The following EFCC1 variants were observed in gnomAD, a reference collection of about 807,000 sequenced individuals.
EFCC1 encodes the protein EF-hand and coiled-coil domain containing 1.
In EFCC1, 50 loss-of-function variants were observed where a neutral mutation model predicts 52.1. That is an observed-to-expected ratio of 0.96 (90% CI 0.76 to 1.21). EFCC1 has a LOEUF of 1.21. EFCC1 is among the 50% of genes most tolerant of loss of function. EFCC1 has a pLI of 0.00. For missense variants in EFCC1, 837 were observed against 867.3 expected (o/e 0.97, Z 0.44); for synonymous variants, 399 against 396.5 (o/e 1.01, Z -0.08).
chr3:129,005,996 A>G (rs1319480504), intron 2 of EFCC1, among the ~76,000 whole-genome samples: 1 of 152,292 alleles, frequency 6.6e-6, no homozygotes, highest in Non-Finnish European at 1.5e-5. Context: ...AAACATTGGC[A>G]TAGCCCTTTA....
chr3:129,003,198 C>A (rs948395082), intron 1 of EFCC1: 17 of 984,548 alleles, frequency 1.7e-5, no homozygotes, highest in African/African-American at 3.5e-5. Context: ...AGGGTGGAGG[C>A]GGGAAACTAC....
intron 2 of EFCC1, among the ~76,000 whole-genome samples, chr3:129,020,423 G>A (rs1337159255): frequency 6.6e-6 from 1 of 152,114 alleles, no homozygotes; most frequent in African/African-American, 2.4e-5. Flanking sequence ...AATCACTTGA[G>A]CCCAGGAGTT....
Position 129,038,818 on chromosome 3 carries a change from A to G in EFCC1, c.1594-13A>G, listed in dbSNP as rs1946388143. The G allele has an allele frequency of 6.2e-7, 1 of 1,613,396 alleles. No homozygotes were observed. Among genetic ancestry groups the G allele is most frequent in the Non-Finnish European group, 8.5e-7 (1 of 1,179,818 alleles). On this transcript the variant is annotated splice_polypyrimidine_tract_variant and intron_variant, in intron 6 of 7. Transcript: ENST00000683648. ...ACCAGTCTAATCCAGCCTTGTTTCCATTTCTTTTTAAGAACATATCGAAAA... is the reference window on the plus strand; with the variant it reads ...ACCAGTCTAATCCAGCCTTGTTTCCGTTTCTTTTTAAGAACATATCGAAAA...
At chr3:129,026,157 G>A (rs1267572563) in intron 2 of EFCC1, among the ~76,000 whole-genome samples, 1 of 152,250 alleles carries the variant, frequency 6.6e-6, no homozygotes, top group Non-Finnish European at 1.5e-5. Context: ...GAAGGGTTTA[G>A]TTGGTATTGT....
At position 129,032,857 on chromosome 3, in the gene EFCC1, G is replaced by T; in HGVS notation, c.1177G>T (p.Ala393Ser). ...GCTGTTCCGCTCCGTGGAGGGCCAG[G>T]CCGCCTCTGACGAGGAGGAGGTGGA... Reference protein sequence around the residue: ...EQLFRSVEGQAASDEEEVEEE... With the variant: ...EQLFRSVEGQSASDEEEVEEE... The change falls in exon 4 of 8, where the codon GCC becomes TCC. Residue 393 changes from alanine (A) to serine (S), a missense_variant. Transcript: ENST00000683648. 6.4e-7 allele frequency: 1 copy of T among 1,551,498 alleles called. No homozygotes were observed. Among genetic ancestry groups the T allele is most frequent in the Non-Finnish European group, 8.7e-7 (1 of 1,146,924 alleles).
chr3:129,018,818 C>T (rs2107905169), intron 2 of EFCC1, among the ~76,000 whole-genome samples: 1 of 152,256 alleles, frequency 6.6e-6, no homozygotes, highest in South Asian at 2.1e-4. Context: ...CTGTTTGCAC[C>T]CCATTGGCGG....
chr3:129,004,522 C>A lies in EFCC1; in HGVS notation c.980+445C>A, dbSNP rs371300017. 4.4e-5 allele frequency among the ~76,000 whole-genome samples: 6 copies of A among 137,330 alleles called. No individual in the cohort carries two copies. The East Asian group carries it at 1.5e-3, about 33-fold the overall frequency. 90.1% of individuals were successfully genotyped at this position (137,330 alleles called of 152,430 possible). Reference sequence around the variant, plus strand: ...ACTCACCCACCCACCCATCCATCATCCATCCATCCCCCCACCCACCCAGCC... The same window carrying A: ...ACTCACCCACCCACCCATCCATCATACATCCATCCCCCCACCCACCCAGCC... On this transcript the variant is annotated intron_variant, in intron 2 of 7. Transcript: ENST00000683648.
chr3:129,006,195 G>A (rs1028449215), intron 2 of EFCC1, among the ~76,000 whole-genome samples: 4 of 152,224 alleles, frequency 2.6e-5, no homozygotes, highest in Non-Finnish European at 4.4e-5. Flanking sequence ...TGTGTGCTTC[G>A]ATTCACAGTT....
Position 129,005,152 on chromosome 3 carries a change from GGACA to G in EFCC1, c.980+1079_980+1082del, listed in dbSNP as rs113677034. Reference sequence around the variant, plus strand: ...CATCAGGGATGTGACCACGTGACTAGGACAGACTGAATTCCCTGCCCTGAGCAGC... The same window carrying G: ...CATCAGGGATGTGACCACGTGACTAGGACTGAATTCCCTGCCCTGAGCAGC... On this transcript the variant is annotated intron_variant, in intron 2 of 7. Coordinates refer to ENST00000683648, the MANE Select transcript of EFCC1 (RefSeq NM_001377500.1). 4.6e-3 allele frequency among the ~76,000 whole-genome samples: 694 copies of G among 152,316 alleles called. 4 individuals are homozygous for G. The highest frequency in any genetic ancestry group is 0.016 in the African/African-American group (673 of 41,560).
Position 129,018,738 on chromosome 3 carries a change from C to G in EFCC1, c.981-11965C>G, listed in dbSNP as rs1484065044. 2.6e-5 allele frequency among the ~76,000 whole-genome samples: 4 copies of G among 152,220 alleles called. No individual in the cohort carries two copies. The East Asian group carries it at 7.7e-4, about 29-fold the overall frequency. On this transcript the variant is annotated intron_variant, in intron 2 of 7. Transcript: ENST00000683648. ...CCCACACGCCTTCCTGCCCTTCAGGCAGTCCCTCCCCGGTGATTTCTCTGT... is the reference window on the plus strand; with the variant it reads ...CCCACACGCCTTCCTGCCCTTCAGGGAGTCCCTCCCCGGTGATTTCTCTGT...
chr3:129,001,611 G>C lies in EFCC1; in HGVS notation c.-18G>C. The stretch of plus-strand genomic sequence containing the variant: ...GGACCGGAGGAGGGACCGGAGGAGC[G>C]AGGCGCGCGGCGCAGCGATGGAGCC... On this transcript the variant is annotated 5_prime_UTR_variant, in exon 1 of 8. Transcript: ENST00000683648. 7.4e-7 allele frequency: 1 copy of C among 1,354,926 alleles called. No individual in the cohort carries two copies. The highest frequency in any genetic ancestry group is 9.4e-7 in the Non-Finnish European group (1 of 1,060,244). The allele number at this position is 1,354,926 out of a possible 1,614,324, so 83.9% of individuals were successfully genotyped here.
At chr3:129,016,156 G>A (rs144771190) in intron 2 of EFCC1, among the ~76,000 whole-genome samples, 1,656 of 152,310 alleles carry the variant, frequency 0.011, 11 homozygotes, top group Admixed American at 0.019. Context: ...TGCCTTGACC[G>A]CTCCCTTGGT....
chr3:129,021,510 G>T (rs997044510), intron 2 of EFCC1, among the ~76,000 whole-genome samples: 2 of 152,142 alleles, frequency 1.3e-5, no homozygotes, highest in African/African-American at 4.8e-5. Flanking sequence ...GGAGGCGGAG[G>T]TTGTGGTGAG....
At chr3:129,036,588 T>C (rs1946356440) in intron 5 of EFCC1, among the ~76,000 whole-genome samples, 1 of 152,180 alleles carries the variant, frequency 6.6e-6, no homozygotes. Flanking sequence ...CTGTGGCTCT[T>C]GGATAAGAGG....
At chr3:129,016,226 G>T (rs994520112) in intron 2 of EFCC1, among the ~76,000 whole-genome samples, 2 of 152,138 alleles carry the variant, frequency 1.3e-5, no homozygotes, top group African/African-American at 4.8e-5. Flanking sequence ...TTCTGCATAT[G>T]GATTAAAGTC....
intron 4 of EFCC1, among the ~76,000 whole-genome samples, chr3:129,033,323 G>T (rs1048153251): frequency 2.0e-5 from 3 of 152,098 alleles, no homozygotes; most frequent in African/African-American, 4.8e-5. Flanking sequence ...GCCTGGCCCC[G>T]GGCAGGTGCT....
At position 129,001,595 on chromosome 3, in the gene EFCC1, G is replaced by A. The variant is rs997770367; in HGVS notation, c.-34G>A. 5.2e-6 allele frequency: 7 copies of A among 1,353,138 alleles called. No homozygotes were observed. The highest frequency in any genetic ancestry group is 4.7e-6 in the Non-Finnish European group (5 of 1,059,466). The allele number at this position is 1,353,138 out of a possible 1,614,324, so 83.8% of individuals were successfully genotyped here. ...AAGTGGCGGGGCGAAGGGACCGGAG[G>A]AGGGACCGGAGGAGCGAGGCGCGCG... On this transcript the variant is annotated 5_prime_UTR_variant, in exon 1 of 8. Transcript: ENST00000683648.
Position 129,030,880 on chromosome 3 carries a change from A to G in EFCC1, c.1138+20A>G. On this transcript the variant is annotated intron_variant, in intron 3 of 7. Coordinates refer to ENST00000683648, the MANE Select transcript of EFCC1 (RefSeq NM_001377500.1). ...ATGAAGGTTTGTCCCCTGTGCGCCC[A>G]GTCTTCCTGCCAGGCTCACAGTCCC... 1.9e-6 allele frequency: 3 copies of G among 1,541,484 alleles called. No individual in the cohort carries two copies. The highest frequency in any genetic ancestry group is 2.6e-6 in the Non-Finnish European group (3 of 1,140,902).
intron 2 of EFCC1, among the ~76,000 whole-genome samples, chr3:129,024,067 C>T (rs1284128252): frequency 6.6e-6 from 1 of 152,224 alleles, no homozygotes; most frequent in African/African-American, 2.4e-5. Flanking sequence ...GACAAACCTT[C>T]ATTGGGCCAC....
Sources: allele counts gnomAD v4.1 joint callset (sites outside exome capture counted in the v4.1 genomes callset), GRCh38; gene constraint gnomAD v4.1.1; transcripts MANE v1.5; gene names NCBI Gene and HGNC (gene_info 2026-07-23, HGNC 2026-07-21).